MCCC2: variants seen among roughly 807,000 people sequenced by gnomAD.
MCCC2 encodes the protein methylcrotonyl-CoA carboxylase subunit 2, also known as methylcrotonoyl-CoA carboxylase beta chain, mitochondrial.
Under a neutral mutation model 77.2 loss-of-function variants are expected in MCCC2, and 52 were observed. That is an observed-to-expected ratio of 0.67 (90% CI 0.54 to 0.85). MCCC2 has a LOEUF of 0.85. Ranked by LOEUF, MCCC2 falls within the 40% of genes least tolerant of loss-of-function variation. MCCC2 has a pLI of 0.00. For missense variants in MCCC2, 682 were observed against 703.2 expected, an observed-to-expected ratio of 0.97 and a Z score of 0.34; for synonymous variants, 253 against 248.4, an observed-to-expected ratio of 1.02 and a Z score of -0.18.
chr5:71,622,695 T>C (rs1295435025), intron 6 of MCCC2, among the ~76,000 whole-genome samples: 5 of 152,234 alleles, frequency 3.3e-5, no homozygotes, highest in Non-Finnish European at 7.3e-5. Context: ...GACTGGCTTC[T>C]TTCACTTAAC....
chr5:71,587,489 G>A lies in MCCC2; in HGVS notation c.64G>A (p.Ala22Thr). 1 of 1,537,596 alleles carries A rather than the reference G, an allele frequency of 6.5e-7. No homozygotes were observed. The highest frequency in any genetic ancestry group is 1.4e-5 in the African/African-American group (1 of 73,214). The change falls in exon 1 of 17, where the codon GCC (alanine) becomes ACC (threonine). Residue 22 changes from alanine (A) to threonine (T), a missense_variant. By Grantham distance (58) the Ala-to-Thr change is moderately conservative. Coordinates refer to ENST00000340941, the MANE Select transcript of MCCC2 (RefSeq NM_022132.5). ...CARASPAGPR[A>T]YHGDSVASLG... ...CCGCGCCTCTCCCGCCGGGCCGCGC[G>A]CCTATCACGGGGACTCGGTGGCCTC...
intron 13 of MCCC2, 150 bp from the exon 14 acceptor site, chr5:71,648,947 T>G (rs1273972874): frequency 2.1e-6 from 2 of 934,746 alleles, no homozygotes; most frequent in Non-Finnish European, 3.4e-6. Context: ...AAGCAAACTT[T>G]TTAACGGTAT....
chr5:71,594,090 A>C (rs1212339982), intron 2 of MCCC2, among the ~76,000 whole-genome samples: 1 of 152,186 alleles, frequency 6.6e-6, no homozygotes, highest in Non-Finnish European at 1.5e-5. Context: ...TTTTGAAGCC[A>C]TTTTAGATCA....
At chr5:71,656,576 C>T (rs1004657715) in intron 16 of MCCC2, among the ~76,000 whole-genome samples, 167 bp from the exon 17 acceptor site, 4 of 152,152 alleles carry the variant, frequency 2.6e-5, no homozygotes, top group Admixed American at 6.6e-5. Flanking sequence ...ACGTTTTCCC[C>T]CTCTGTCTTG....
In MCCC2 at chr5:71,601,844, G is replaced by A. The variant is rs190394778; in HGVS notation, c.384-662G>A. On this transcript the variant is annotated intron_variant, in intron 4 of 16. Transcript: ENST00000340941. Reference sequence around the variant, plus strand: ...CCCCAACCAGCTGTGGTTGTTGGCCGCCCTGCTCTTTGTGACTCATACCCA... The same window carrying A: ...CCCCAACCAGCTGTGGTTGTTGGCCACCCTGCTCTTTGTGACTCATACCCA... Among the ~76,000 whole-genome samples the A allele has an allele frequency of 3.9e-4, 60 of 152,278 alleles. No individual in the cohort carries two copies. The East Asian group carries it at 7.5e-3, about 19-fold the overall frequency.
intron 6 of MCCC2, among the ~76,000 whole-genome samples, chr5:71,612,872 A>G (rs1746012175): frequency 6.6e-6 from 1 of 152,220 alleles, no homozygotes; most frequent in Non-Finnish European, 1.5e-5. Context: ...GTGAGCCACA[A>G]TGCTTGGCTA....
At chr5:71,589,895 A>T (rs1362732669) in intron 1 of MCCC2, among the ~76,000 whole-genome samples, 1 of 152,232 alleles carries the variant, frequency 6.6e-6, no homozygotes, top group African/African-American at 2.4e-5. Flanking sequence ...GGTCTGGCTC[A>T]TAACTCTTGA....
chr5:71,606,971 GT>G (rs1745705940), intron 6 of MCCC2, among the ~76,000 whole-genome samples: 1 of 151,192 alleles, frequency 6.6e-6, no homozygotes, highest in Admixed American at 6.6e-5. Flanking sequence ...TGCTGGATGC[GT>G]TTTGCCAGTA....
In MCCC2 at chr5:71,656,780, A is replaced by G; in HGVS notation, c.1612A>G (p.Arg538Gly). ...TGGGATCATTGATCCAGCAGACACC[A>G]GACTGGTCTTGGGTCTCAGTTTTAG... ...DDGIIDPADT[R>G]LVLGLSFSAA... Residue 538 changes from arginine to glycine, a missense_variant, in exon 17 of 17, where the codon AGA (arginine) becomes GGA (glycine). Arg to Gly is a moderately radical substitution (Grantham distance 125). Coordinates refer to ENST00000340941, the MANE Select transcript of MCCC2 (RefSeq NM_022132.5). 2 of 1,614,198 alleles carry G rather than the reference A, an allele frequency of 1.2e-6. No individual in the cohort carries two copies. The highest frequency in any genetic ancestry group is 1.7e-6 in the Non-Finnish European group (2 of 1,180,020).
chr5:71,610,625 A>G (rs1745898135), intron 6 of MCCC2, among the ~76,000 whole-genome samples: 1 of 152,210 alleles, frequency 6.6e-6, no homozygotes, highest in South Asian at 2.1e-4. Context: ...GAGAGTATCT[A>G]AAGGTTGTCT....
Position 71,587,347 on chromosome 5 carries a change from G to C in MCCC2, c.-79G>C. 6.6e-7 allele frequency: 1 copy of C among 1,507,930 alleles called. No individual in the cohort carries two copies. Among genetic ancestry groups the C allele is most frequent in the Non-Finnish European group, 8.8e-7 (1 of 1,132,732 alleles). 93.4% of individuals were successfully genotyped at this position (1,507,930 alleles called of 1,614,324 possible). A position where few individuals can be genotyped will look rare whatever the true frequency, so the allele number is the denominator to read the frequency against. On this transcript the variant is annotated 5_prime_UTR_variant, in exon 1 of 17. Coordinates refer to ENST00000340941, the MANE Select transcript of MCCC2 (RefSeq NM_022132.5). ...CTGCAAGGACCTGAGCTCAGCTTCC[G>C]CCCCAGCCAGGGAAGCGGCAGGGGA...
At position 71,615,248 on chromosome 5, in the gene MCCC2, C is replaced by T. The variant is rs1006415854; in HGVS notation, c.624+10780C>T. Among the ~76,000 whole-genome samples the T allele has an allele frequency of 2.6e-5, 4 of 152,084 alleles. 1 individual carries two copies. Among genetic ancestry groups the T allele is most frequent in the African/African-American group, 4.8e-5 (2 of 41,428 alleles). On this transcript the variant is annotated intron_variant, in intron 6 of 16. Transcript: ENST00000340941. Reference sequence around the variant, plus strand: ...CCTCCCAGAGTGCTAGGATTATAGGCGTGAGCCACCGCGCCCAGCCAACAT... The same window carrying T: ...CCTCCCAGAGTGCTAGGATTATAGGTGTGAGCCACCGCGCCCAGCCAACAT...
chr5:71,651,724 A>T (rs1379264110), intron 15 of MCCC2, among the ~76,000 whole-genome samples: 1 of 152,202 alleles, frequency 6.6e-6, no homozygotes, highest in Non-Finnish European at 1.5e-5. Context: ...ACCTACTAGT[A>T]TCAAAGGAAA....
intron 10 of MCCC2, 171 bp downstream of exon 10, chr5:71,635,417 T>C (rs778297865): frequency 4.2e-6 from 3 of 714,056 alleles, no homozygotes; most frequent in Non-Finnish European, 7.6e-6. Flanking sequence ...GTGGATATCA[T>C]TGGCACAGAG....
intron 7 of MCCC2, among the ~76,000 whole-genome samples, chr5:71,627,161 AT>A (rs781267855): frequency 6.6e-6 from 1 of 152,250 alleles, no homozygotes; most frequent in Non-Finnish European, 1.5e-5. Flanking sequence ...ATTGTAGCAG[AT>A]GTCAGAGTGC....
At chr5:71,603,415 CAAAAA>C (rs10538231) in intron 5 of MCCC2, among the ~76,000 whole-genome samples, 4 of 74,232 alleles carry the variant, frequency 5.4e-5, no homozygotes, top group Non-Finnish European at 5.0e-5. Flanking sequence ...GAGACTGTCT[CAAAAA>C]AAAAAAAAAA....
chr5:71,618,120 T>A (rs947164709), intron 6 of MCCC2, among the ~76,000 whole-genome samples: 2 of 152,202 alleles, frequency 1.3e-5, no homozygotes, highest in African/African-American at 4.8e-5. Flanking sequence ...TGAGGCCTGA[T>A]GACATGATGA....
At chr5:71,627,661 T>C (rs1347531692) in intron 7 of MCCC2, among the ~76,000 whole-genome samples, 1 of 152,180 alleles carries the variant, frequency 6.6e-6, no homozygotes, top group Non-Finnish European at 1.5e-5. Context: ...ATCCAATACA[T>C]GTTTTACATT....
At position 71,656,833 on chromosome 5, in the gene MCCC2, G is replaced by T. The variant is rs771011115; in HGVS notation, c.1665G>T (p.Lys555Asn). ...CAGCCCTCAACGCACCAATAGAGAA[G>T]ACTGACTTCGGTATCTTCAGGATGT... ...FSAALNAPIE[K>N]TDFGIFRM The change falls in exon 17 of 17, where the codon AAG becomes AAT. Residue 555 changes from lysine to asparagine, a missense_variant. Transcript: ENST00000340941. 8.7e-6 allele frequency: 14 copies of T among 1,614,004 alleles called. No individual in the cohort carries two copies. The highest frequency in any genetic ancestry group is 4.4e-5 in the South Asian group (4 of 91,060).
Sources: allele counts gnomAD v4.1 joint callset (sites outside exome capture counted in the v4.1 genomes callset), GRCh38; gene constraint gnomAD v4.1.1; transcripts MANE v1.5; gene names NCBI Gene and HGNC (gene_info 2026-07-23, HGNC 2026-07-21).